DCAF4: variants seen among roughly 807,000 people sequenced by gnomAD.
The protein encoded by DCAF4 is DDB1- and CUL4-associated factor 4.
In DCAF4, 37 loss-of-function variants were observed where a neutral mutation model predicts 60.9. That is an observed-to-expected ratio of 0.61 (90% confidence interval 0.47 to 0.80). The LOEUF is 0.80. Among genes scored for constraint, DCAF4 ranks in the 30% least tolerant of loss-of-function variants. The pLI, the probability that DCAF4 is intolerant of heterozygous loss-of-function variation, is 0.00. For synonymous variants in DCAF4, 243 were observed against 254.8 expected (o/e 0.95, Z 0.44); for missense variants, 577 against 650.0 (o/e 0.89, Z 1.22).
chr14:72,956,631 G>T, intron 13 of DCAF4, 131 bp downstream of exon 13: 1 of 814,214 alleles, frequency 1.2e-6, no homozygotes. Context: ...TGGACAGCTG[G>T]GTGGGGAGAC....
In DCAF4 at chr14:72,943,059, C is replaced by T. The variant is rs1329390778; in HGVS notation, c.497C>T (p.Pro166Leu). 5.0e-6 allele frequency: 8 copies of T among 1,614,178 alleles called. No homozygotes were observed. Among genetic ancestry groups the T allele is most frequent in the Non-Finnish European group, 6.8e-6 (8 of 1,180,020 alleles). ...RKKVQIRSMD[P>L]SALASDRFNL... ...AAGGTCCAGATTCGAAGCATGGATC[C>T]CTCCGCCTTGGCAAGCGACCGATTT... Residue 166 changes from proline (P) to leucine (L), a missense_variant, in exon 6 of 14, where the codon CCC (proline) becomes CTC (leucine). Pro to Leu is a moderately conservative substitution (Grantham distance 98, BLOSUM62 -3). Coordinates refer to ENST00000358377, the MANE Select transcript of DCAF4 (RefSeq NM_015604.4).
At chr14:72,948,605 C>T (rs745795968) in intron 8 of DCAF4, among the ~76,000 whole-genome samples, 4 of 152,068 alleles carry the variant, frequency 2.6e-5, no homozygotes, top group Non-Finnish European at 4.4e-5. Context: ...ATGGTATTCT[C>T]GTTTCTGTGG....
intron 8 of DCAF4, 50 bp from the exon 9 acceptor site, chr14:72,951,748 C>T (rs777776135): frequency 1.9e-6 from 3 of 1,579,692 alleles, no homozygotes; most frequent in African/African-American, 1.3e-5. Context: ...GTCCATGCCT[C>T]CTCCCAGAGG....
intron 1 of DCAF4, chr14:72,929,519 G>A (rs897234793): frequency 1.1e-5 from 8 of 722,852 alleles, no homozygotes; most frequent in South Asian, 9.7e-5. Context: ...CGGCAACAAA[G>A]CGAGACCCCG....
chr14:72,958,489 G>A, intron 13 of DCAF4, 123 bp from the exon 14 acceptor site: 1 of 1,127,140 alleles, frequency 8.9e-7, no homozygotes, highest in East Asian at 2.5e-5. Context: ...CCGTTAATGA[G>A]TTTGTGTTTT....
intron 11 of DCAF4, 73 bp from the exon 12 acceptor site, chr14:72,955,450 A>G (rs1892139153): frequency 7.1e-6 from 11 of 1,544,022 alleles, no homozygotes; most frequent in African/African-American, 1.4e-5. Context: ...GGGTTGTATC[A>G]GGAGGACCTG....
chr14:72,929,784 C>G (rs993770813), intron 1 of DCAF4: 4 of 1,076,444 alleles, frequency 3.7e-6, no homozygotes, highest in Non-Finnish European at 5.8e-6. Flanking sequence ...CGAAGCGAAG[C>G]CACACACCTC....
At chr14:72,937,452 G>A (rs1169424302) in intron 1 of DCAF4, among the ~76,000 whole-genome samples, 3 of 123,642 alleles carry the variant, frequency 2.4e-5, no homozygotes, top group South Asian at 2.6e-4. Context: ...TTGCTCTGTC[G>A]CCCAGGCTAG....
rs1889882098 is a variant in DCAF4, at chr14:72,940,466, C to A, written c.351+89C>A. On this transcript the variant is annotated intron_variant, in intron 4 of 13. Coordinates refer to ENST00000358377, the MANE Select transcript of DCAF4 (RefSeq NM_015604.4). The stretch of plus-strand genomic sequence containing the variant: ...TTGAAAAGGGTGCCAATTAGATGCC[C>A]CTGCGACACTTAGCAGAGGCACTTC... The A allele has an allele frequency of 2.9e-6, 4 of 1,373,202 alleles. 1 individual carries two copies. Among genetic ancestry groups the A allele is most frequent in the Admixed American group, 5.8e-5 (2 of 34,398 alleles). 85.1% of individuals were successfully genotyped at this position (1,373,202 alleles called of 1,614,324 possible).
At chr14:72,926,978 C>T (rs1437288533) in intron 1 of DCAF4, 2 of 152,360 alleles carry the variant, frequency 1.3e-5, no homozygotes, top group African/African-American at 4.8e-5. Context: ...GTGGCCGGCT[C>T]TGTGCTGCCG....
Position 72,928,187 on chromosome 14 carries a change from CTTTT to C in DCAF4, c.-9+1664_-9+1667del, listed in dbSNP as rs565229070. ...CCCGCTAGTCTACAGAATCCCCCCA[CTTTT>C]TTTTTTTTTTTTTTTTTTTGATACG... On this transcript the variant is annotated intron_variant, in intron 1 of 13. Transcript: ENST00000358377. Among the ~76,000 whole-genome samples the C allele has an allele frequency of 6.4e-4, 43 of 67,270 alleles. 3 individuals carry two copies. The highest frequency in any genetic ancestry group is 2.5e-3 in the African/African-American group (38 of 15,104). 44.1% of individuals were successfully genotyped at this position (67,270 alleles called of 152,430 possible).
chr14:72,932,381 T>C (rs1888692048), intron 1 of DCAF4, among the ~76,000 whole-genome samples: 1 of 152,234 alleles, frequency 6.6e-6, no homozygotes, highest in Admixed American at 6.5e-5. Flanking sequence ...ATGTAGTAAA[T>C]ATCTTGGAAT....
chr14:72,947,364 G>A (rs1192108137), intron 8 of DCAF4, among the ~76,000 whole-genome samples, 173 bp downstream of exon 8: 1 of 152,230 alleles, frequency 6.6e-6, no homozygotes, highest in Non-Finnish European at 1.5e-5. Flanking sequence ...ACACAAGGAT[G>A]CCCGTGGAGC....
intron 1 of DCAF4, chr14:72,929,957 G>A: frequency 1.2e-6 from 1 of 810,912 alleles, no homozygotes; most frequent in Non-Finnish European, 2.0e-6. Flanking sequence ...GGCGGCCGTG[G>A]CGGAAGGCCA....
chr14:72,929,533 C>G (rs12435866), intron 1 of DCAF4: 183,450 of 797,400 alleles, frequency 0.23, 24,714 homozygotes, highest in East Asian at 0.46. Flanking sequence ...GACCCCGTCT[C>G]TACAAAAATA....
At chr14:72,943,123 GGGT>G in intron 6 of DCAF4, 27 bp downstream of exon 6, 1 of 1,599,136 alleles carries the variant, frequency 6.3e-7, no homozygotes, top group Non-Finnish European at 8.6e-7. Flanking sequence ...CACCTGCCTA[GGGT>G]GTGGCTGCCA....
At chr14:72,928,763 G>A (rs916848584) in intron 1 of DCAF4, among the ~76,000 whole-genome samples, 1 of 151,954 alleles carries the variant, frequency 6.6e-6, no homozygotes, top group African/African-American at 2.4e-5. Flanking sequence ...GCGGCCCCAG[G>A]GTGCCCCAGT....
chr14:72,936,699 G>A lies in DCAF4; in HGVS notation c.-8-1272G>A, dbSNP rs190242275. Among the ~76,000 whole-genome samples the A allele has an allele frequency of 8.5e-5, 13 of 152,258 alleles. No individual in the cohort carries two copies. In the East Asian group the frequency reaches 2.5e-3, roughly 29 times the overall value. On this transcript the variant is annotated intron_variant, in intron 1 of 13. Transcript: ENST00000358377. ...CATGAACTCACTTTTGAACCTGTTG[G>A]GTCTGTGGAGATAGACACGAAGCAG... is the stretch of plus-strand genomic sequence containing the variant.
chr14:72,955,754 G>A, intron 12 of DCAF4, 58 bp downstream of exon 12: 1 of 1,509,732 alleles, frequency 6.6e-7, no homozygotes, highest in Non-Finnish European at 9.0e-7. Context: ...GCCCTGCCAG[G>A]TGAAAGGGTT....
Sources: gnomAD v4.1 joint callset for allele counts (sites outside exome capture counted in the v4.1 genomes callset) on GRCh38, gnomAD v4.1.1 for gene constraint, MANE v1.5 for transcripts, NCBI Gene and HGNC (gene_info 2026-07-23, HGNC 2026-07-21) for gene names.